ASTN1: variants seen among roughly 807,000 people sequenced by gnomAD.
The protein encoded by ASTN1 is astrotactin 1.
In ASTN1, 41 loss-of-function variants were observed where a neutral mutation model predicts 140.7. The observed-to-expected ratio is 0.29, with a 90% CI of 0.23 to 0.38. The LOEUF (loss-of-function observed/expected upper bound fraction) is 0.38. Ranked by LOEUF, ASTN1 falls within the 10% of genes least tolerant of loss-of-function variation. The probability of loss-of-function intolerance (pLI) is 1.00; values close to 1 mark genes in which losing one functional copy is unlikely to be tolerated. For synonymous variants in ASTN1, 640 were observed against 652.2 expected, an observed-to-expected ratio of 0.98 and a Z score of 0.29; for missense variants, 1,479 against 1,678.8, an observed-to-expected ratio of 0.88 and a Z score of 2.08.
intron 1 of ASTN1, among the ~76,000 whole-genome samples, chr1:177,115,062 AAG>A (rs1452874835): frequency 6.6e-6 from 1 of 152,152 alleles, no homozygotes; most frequent in Non-Finnish European, 1.5e-5. Context: ...GTAGGGGACC[AAG>A]AAAAGAAGAA....
chr1:177,051,481 T>C (rs1571711510), intron 2 of ASTN1, among the ~76,000 whole-genome samples: 1 of 152,242 alleles, frequency 6.6e-6, no homozygotes, highest in East Asian at 1.9e-4. Flanking sequence ...TTGGATGGCC[T>C]ATAAAGCTAA....
chr1:177,084,540 A>G (rs371762576), intron 1 of ASTN1, among the ~76,000 whole-genome samples: 1 of 152,076 alleles, frequency 6.6e-6, no homozygotes, highest in Non-Finnish European at 1.5e-5. Flanking sequence ...TGACTTCAAG[A>G]TTTTTTCATT....
intron 8 of ASTN1, among the ~76,000 whole-genome samples, chr1:177,007,908 GTTT>G (rs1675076822): frequency 6.6e-6 from 1 of 152,194 alleles, no homozygotes; most frequent in Non-Finnish European, 1.5e-5. Context: ...CATGGGTTGG[GTTT>G]TAGCCTTCCA....
intron 14 of ASTN1, among the ~76,000 whole-genome samples, chr1:176,942,438 A>C (rs563470295): frequency 4.6e-5 from 7 of 152,064 alleles, no homozygotes; most frequent in Non-Finnish European, 1.0e-4. Flanking sequence ...CTAAACTCAC[A>C]TTTTTAACAT....
At chr1:177,142,802 G>C (rs976002401) in intron 1 of ASTN1, among the ~76,000 whole-genome samples, 27 of 151,620 alleles carry the variant, frequency 1.8e-4, no homozygotes, top group Non-Finnish European at 1.2e-4. Flanking sequence ...CAATGAAATT[G>C]TGGTGACCTG....
chr1:177,078,951 A>G (rs1679054643), intron 1 of ASTN1, among the ~76,000 whole-genome samples: 1 of 152,202 alleles, frequency 6.6e-6, no homozygotes, highest in African/African-American at 2.4e-5. Context: ...AATCAATTTG[A>G]GTAGAAAAAA....
chr1:177,029,948 C>T, intron 4 of ASTN1, among the ~76,000 whole-genome samples: 1 of 152,314 alleles, frequency 6.6e-6, no homozygotes, highest in South Asian at 2.1e-4. Context: ...TGGAGCTCTA[C>T]CCTGCCCCAC....
intron 21 of ASTN1, among the ~76,000 whole-genome samples, chr1:176,872,208 TAA>T (rs748764389): frequency 1.4e-5 from 2 of 147,368 alleles, no homozygotes; most frequent in Admixed American, 6.8e-5. Flanking sequence ...TTTTTTTTTT[TAA>T]AAAAAAGCAC....
chr1:176,934,615 GTT>G (rs1162912260), intron 15 of ASTN1, among the ~76,000 whole-genome samples: 1 of 142,924 alleles, frequency 7.0e-6, no homozygotes. Context: ...AAATCAATGT[GTT>G]TTTTTTTTTT....
chr1:177,140,374 G>A (rs555932782), intron 1 of ASTN1, among the ~76,000 whole-genome samples: 1 of 152,224 alleles, frequency 6.6e-6, no homozygotes, highest in Admixed American at 6.5e-5. Context: ...TGAGCCTCCT[G>A]TAACAGAATG....
chr1:176,997,237 G>A (rs1014560348), intron 8 of ASTN1, among the ~76,000 whole-genome samples: 2 of 152,152 alleles, frequency 1.3e-5, no homozygotes, highest in African/African-American at 4.8e-5. Context: ...AATGAAGCAG[G>A]TACTATTGTG....
intron 14 of ASTN1, among the ~76,000 whole-genome samples, chr1:176,937,453 C>T (rs1358528467): frequency 6.6e-6 from 1 of 152,164 alleles, no homozygotes; most frequent in Non-Finnish European, 1.5e-5. Context: ...TCTCAATAAA[C>T]ACAAACTTAC....
chr1:177,161,228 C>G (rs1359599054), intron 1 of ASTN1, among the ~76,000 whole-genome samples: 1 of 152,184 alleles, frequency 6.6e-6, no homozygotes, highest in Admixed American at 6.5e-5. Flanking sequence ...GAGCCACATG[C>G]CACTCTACAG....
intron 1 of ASTN1, among the ~76,000 whole-genome samples, chr1:177,097,499 T>C (rs1009128830): frequency 3.3e-5 from 5 of 152,210 alleles, no homozygotes; most frequent in African/African-American, 9.6e-5. Flanking sequence ...GTGGCTATAA[T>C]AATAGTACTA....
At chr1:177,013,236 T>C (rs189677763) in intron 8 of ASTN1, among the ~76,000 whole-genome samples, 21 of 152,308 alleles carry the variant, frequency 1.4e-4, no homozygotes, top group Non-Finnish European at 2.2e-4. Flanking sequence ...CAATCCTTCA[T>C]TTTCACGAAC....
intron 21 of ASTN1, among the ~76,000 whole-genome samples, 179 bp from the exon 22 acceptor site, chr1:176,869,206 G>A (rs964541830): frequency 1.3e-5 from 2 of 151,560 alleles, no homozygotes; most frequent in South Asian, 2.1e-4. Context: ...ACATATATGT[G>A]CGTATGTCAA....
chr1:177,139,339 T>C (rs1272338093), intron 1 of ASTN1, among the ~76,000 whole-genome samples: 1 of 152,280 alleles, frequency 6.6e-6, no homozygotes, highest in Middle Eastern at 3.4e-3. Flanking sequence ...ATAGGGCAAA[T>C]GTGAAAAGTA....
intron 8 of ASTN1, among the ~76,000 whole-genome samples, chr1:176,971,718 A>T (rs1417599676): frequency 1.3e-5 from 2 of 152,194 alleles, no homozygotes; most frequent in African/African-American, 2.4e-5. Context: ...GGACCTTGAC[A>T]TCATGACTAC....
In ASTN1 at chr1:176,894,789, G is replaced by A; in HGVS notation, c.2713C>T (p.Pro905Ser). The change falls in exon 17 of 23, where the codon CCC becomes TCC. Residue 905 changes from proline to serine, a missense_variant. By Grantham distance (74) the Pro-to-Ser change is moderately conservative (BLOSUM62 -1). Transcript: ENST00000361833. ...TATTCTGGGAATGTCAGCACCTTGG[G>A]GTCTCTTTCCCGCTCCTCAGACTCA... ...SDESEERERD[P>S]KVLTFPEYIT... 1 of 1,614,068 alleles carries A rather than the reference G, an allele frequency of 6.2e-7. No individual in the cohort carries two copies. The highest frequency in any genetic ancestry group is 8.5e-7 in the Non-Finnish European group (1 of 1,180,036).
Sources: allele counts gnomAD v4.1 joint callset (sites outside exome capture counted in the v4.1 genomes callset), GRCh38; gene constraint gnomAD v4.1.1; transcripts MANE v1.5; gene names NCBI Gene and HGNC (gene_info 2026-07-23, HGNC 2026-07-21).